Variants in KLC1 observed in about 807,000 individuals in gnomAD.
The protein encoded by KLC1 is kinesin light chain 1.
In KLC1, 30 loss-of-function variants were observed where a neutral mutation model predicts 84.2. That is an observed-to-expected ratio of 0.36 (90% CI 0.27 to 0.48). The LOEUF (loss-of-function observed/expected upper bound fraction) is 0.48. KLC1 is among the 20% of genes least tolerant of loss of function. The pLI, the probability that KLC1 is intolerant of heterozygous loss-of-function variation, is 0.99. For synonymous variants in KLC1, 289 were observed against 293.3 expected (o/e 0.99, Z 0.15); for missense variants, 499 against 805.4 (o/e 0.62, Z 4.60).
In KLC1 at chr14:103,629,407, T is replaced by G. The variant is rs1295441947; in HGVS notation, c.-89T>G. ...CGTGCCTCACACAGCCGAGGCGGGC[T>G]CGGCGCACAGTCGCTGCTCCGCGCG... On this transcript the variant is annotated 5_prime_UTR_variant, in exon 1 of 17. Coordinates refer to ENST00000334553, the MANE Select transcript of KLC1 (RefSeq NM_001394837.1). 1.3e-5 allele frequency: 2 copies of G among 152,036 alleles called. No individual in the cohort carries two copies. Among genetic ancestry groups the G allele is most frequent in the Non-Finnish European group, 2.9e-5 (2 of 68,006 alleles). 9.4% of individuals were successfully genotyped at this position (152,036 alleles called of 1,614,324 possible).
chr14:103,687,643 C>T (rs1423682133), intron 14 of KLC1: 5 of 152,932 alleles, frequency 3.3e-5, no homozygotes, highest in Admixed American at 1.9e-4. Flanking sequence ...TATTAAATCT[C>T]ATACAGTATT....
intron 3 of KLC1, among the ~76,000 whole-genome samples, chr14:103,658,452 T>G (rs2078996213): frequency 6.9e-6 from 1 of 145,708 alleles, no homozygotes; most frequent in African/African-American, 2.5e-5. Context: ...TTTTTTTTTT[T>G]TTAGTAGAGA....
intron 1 of KLC1, among the ~76,000 whole-genome samples, chr14:103,648,422 T>C (rs573604496): frequency 6.6e-6 from 1 of 152,322 alleles, no homozygotes; most frequent in South Asian, 2.1e-4. Flanking sequence ...GGATAGGTTC[T>C]TAACATTCTC....
chr14:103,646,087 A>C (rs2077900153), intron 1 of KLC1, among the ~76,000 whole-genome samples: 1 of 152,190 alleles, frequency 6.6e-6, no homozygotes, highest in Non-Finnish European at 1.5e-5. Context: ...GACCACTGTC[A>C]AATATGAGGT....
At chr14:103,653,969 C>T (rs1219453792) in intron 1 of KLC1, among the ~76,000 whole-genome samples, 5 of 152,194 alleles carry the variant, frequency 3.3e-5, no homozygotes, top group African/African-American at 4.8e-5. Context: ...CCAGACATTG[C>T]ATCACATCAC....
In KLC1 at chr14:103,699,852, C is replaced by T. The variant is rs2082984334; in HGVS notation, c.1849-803C>T. The T allele has an allele frequency of 1.4e-5, 7 of 506,488 alleles. No homozygotes were observed. In the South Asian group the frequency reaches 1.4e-4, roughly 10 times the overall value. The allele number at this position is 506,488 out of a possible 1,614,324, so 31.4% of individuals were successfully genotyped here. A position where few individuals can be genotyped will look rare whatever the true frequency, so the allele number is the denominator to read the frequency against. On this transcript the variant is annotated intron_variant, in intron 15 of 16. Transcript: ENST00000334553. ...CAGTCACCCCTTGGCTGTGCCAACA[C>T]CGTCCTCTGTAGAGGTGTCCTTTGC... is the stretch of plus-strand genomic sequence containing the variant.
At chr14:103,669,455 A>G in intron 5 of KLC1, 56 bp from the exon 6 acceptor site, 1 of 1,064,124 alleles carries the variant, frequency 9.4e-7, no homozygotes, top group Non-Finnish European at 1.4e-6. Context: ...AAGAAAAGAA[A>G]AGAAAAGCTG....
At chr14:103,667,452 C>T (rs1323894275) in intron 5 of KLC1, among the ~76,000 whole-genome samples, 1 of 152,152 alleles carries the variant, frequency 6.6e-6, no homozygotes, top group African/African-American at 2.4e-5. Context: ...TCTCCTGCCT[C>T]AGCCTCCCGA....
rs974269997 is a variant in KLC1, at chr14:103,694,601, G to C, written c.1848+2176G>C. 4.1e-6 allele frequency: 4 copies of C among 985,380 alleles called. No homozygotes were observed. Among genetic ancestry groups the C allele is most frequent in the African/African-American group, 1.7e-5 (1 of 57,250 alleles). The allele number at this position is 985,380 out of a possible 1,614,324, so 61.0% of individuals were successfully genotyped here. Reference sequence around the variant, plus strand: ...GAGCATACAAAACAGACGCCGAGGTGATCAGTGATTCCAAAGGCTGACGCT... The same window carrying C: ...GAGCATACAAAACAGACGCCGAGGTCATCAGTGATTCCAAAGGCTGACGCT... On this transcript the variant is annotated intron_variant, in intron 15 of 16. Transcript: ENST00000334553. The surrounding 1 kb of genome is among the most constrained non-coding windows in gnomAD (Gnocchi z 4.5).
At position 103,687,145 on chromosome 14, in the gene KLC1, G is replaced by A; in HGVS notation, c.1715G>A (p.Ser572Asn). The A allele has an allele frequency of 6.5e-7, 1 of 1,549,168 alleles. No individual in the cohort carries two copies. The highest frequency in any genetic ancestry group is 1.2e-5 in the South Asian group (1 of 83,948). ...AAACTCCGGGCTTCCATTAGACGCA[G>A]CAGTGAGAAGCTGGTTAGGAAGCTG... ...FSKLRASIRR[S>N]SEKLVRKLKG... Residue 572 changes from serine (S) to asparagine (N), a missense_variant, in exon 14 of 17, where the codon AGC (serine) becomes AAC (asparagine). This residue lies in a region of KLC1 where 167 missense variants were observed against 208.8 expected (regional missense o/e 0.80). Transcript: ENST00000334553.
chr14:103,640,616 T>C (rs886142328), intron 1 of KLC1, among the ~76,000 whole-genome samples: 2 of 152,176 alleles, frequency 1.3e-5, no homozygotes, highest in Non-Finnish European at 2.9e-5. Flanking sequence ...CGCCTCGGCC[T>C]CCCAAAGTGC....
intron 5 of KLC1, 33 bp from the exon 6 acceptor site, chr14:103,669,478 T>G: frequency 8.3e-7 from 1 of 1,201,908 alleles, no homozygotes; most frequent in East Asian, 2.4e-5. Flanking sequence ...GTGATCTACA[T>G]CTGAAACACT....
chr14:103,674,862 C>A (rs915031357), intron 9 of KLC1, among the ~76,000 whole-genome samples: 3 of 152,206 alleles, frequency 2.0e-5, no homozygotes, highest in African/African-American at 7.2e-5. Context: ...TTCCAGGGCC[C>A]TAGCATTTGC....
chr14:103,654,990 G>A (rs2078721303), intron 2 of KLC1, among the ~76,000 whole-genome samples, 165 bp downstream of exon 2: 1 of 152,144 alleles, frequency 6.6e-6, no homozygotes, highest in South Asian at 2.1e-4. Flanking sequence ...ACTTTGGGAG[G>A]CTGAGGCAGG....
At chr14:103,696,538 A>G in intron 15 of KLC1, 1 of 985,468 alleles carries the variant, frequency 1.0e-6, no homozygotes, top group Non-Finnish European at 1.2e-6. Context: ...GGATGTCATT[A>G]GCTTCTGTTT....
chr14:103,652,096 A>G (rs187198625), intron 1 of KLC1, among the ~76,000 whole-genome samples: 1 of 152,344 alleles, frequency 6.6e-6, no homozygotes, highest in Admixed American at 6.5e-5. Context: ...ATAAAAGAAT[A>G]TATGTTGCAT....
At chr14:103,686,282 G>T in intron 13 of KLC1, 1 of 939,622 alleles carries the variant, frequency 1.1e-6, no homozygotes, top group Non-Finnish European at 1.3e-6. Flanking sequence ...TCCATGAAAC[G>T]CCGCATGGCA....
intron 15 of KLC1, chr14:103,697,782 G>C (rs796346948): frequency 6.6e-6 from 1 of 152,514 alleles, no homozygotes; most frequent in East Asian, 1.9e-4. Context: ...ATTTCAGCCT[G>C]TGCAGCCAGA....
intron 13 of KLC1, among the ~76,000 whole-genome samples, chr14:103,682,100 G>T (rs1300033822): frequency 1.3e-5 from 2 of 152,134 alleles, no homozygotes; most frequent in South Asian, 2.1e-4. Context: ...GCCGGGCGCG[G>T]TGGCTCACAC....
Sources: allele counts gnomAD v4.1 joint callset (sites outside exome capture counted in the v4.1 genomes callset), GRCh38; gene constraint gnomAD v4.1.1; regional missense constraint gnomAD v4.1.1; non-coding constraint Gnocchi (gnomAD v3.1); transcripts MANE v1.5; gene names NCBI Gene and HGNC (gene_info 2026-07-23, HGNC 2026-07-21).